Variants in TBC1D5 observed in about 807,000 individuals in gnomAD.
The protein encoded by TBC1D5 is TBC1 domain family, member 5.
TBC1D5 carries 75 observed loss-of-function variants against 100.3 expected under a neutral mutation model. The observed-to-expected ratio is 0.75, with a 90% CI of 0.62 to 0.91. The LOEUF is 0.91. TBC1D5 is among the 40% of genes least tolerant of loss of function. The pLI, the probability that TBC1D5 is intolerant of heterozygous loss-of-function variation, is 0.00. For synonymous variants in TBC1D5, 323 were observed against 325.6 expected, an observed-to-expected ratio of 0.99 and a Z score of 0.09; for missense variants, 910 against 942.4, an observed-to-expected ratio of 0.97 and a Z score of 0.45.
chr3:17,740,951 T>TC, upstream of TBC1D5: 1 of 152,252 alleles, frequency 6.6e-6, no homozygotes, highest in Non-Finnish European at 1.5e-5. Flanking sequence ...TCCTATCCCC[T>TC]CCCCTGGAAT....
chr3:17,177,761 G>T (rs1336065383), intron 19 of TBC1D5, among the ~76,000 whole-genome samples: 1 of 151,504 alleles, frequency 6.6e-6, no homozygotes, highest in African/African-American at 2.4e-5. Context: ...TTAAATTTTT[G>T]CAAGTACTTA....
At chr3:17,352,209 T>C (rs143616570) in intron 13 of TBC1D5, among the ~76,000 whole-genome samples, 1 of 152,294 alleles carries the variant, frequency 6.6e-6, no homozygotes, top group Admixed American at 6.5e-5. Context: ...CGTAGGTCTA[T>C]GTATTACAAT....
At chr3:17,285,783 T>C (rs1187357636) in intron 15 of TBC1D5, among the ~76,000 whole-genome samples, 2 of 152,214 alleles carry the variant, frequency 1.3e-5, no homozygotes, top group African/African-American at 2.4e-5. Flanking sequence ...AAAGTACCTA[T>C]ATACAATTTG....
intron 3 of TBC1D5, among the ~76,000 whole-genome samples, chr3:17,501,752 CTTT>C (rs941418199): frequency 6.7e-6 from 1 of 149,542 alleles, no homozygotes; most frequent in Non-Finnish European, 1.5e-5. Flanking sequence ...GGCTGTTCTT[CTTT>C]GTGGCTCAAT....
intron 3 of TBC1D5, among the ~76,000 whole-genome samples, chr3:17,477,793 T>C (rs1440767921): frequency 6.6e-6 from 1 of 152,092 alleles, no homozygotes; most frequent in Non-Finnish European, 1.5e-5. Flanking sequence ...TTTAGAAGTA[T>C]GTATACACAT....
intron 12 of TBC1D5, among the ~76,000 whole-genome samples, chr3:17,372,833 T>C (rs1423197118): frequency 3.3e-5 from 5 of 152,220 alleles, no homozygotes; most frequent in African/African-American, 9.6e-5. Context: ...CAGTAGCTTT[T>C]ACCTTCTACA....
chr3:17,512,758 G>A (rs199799775), intron 2 of TBC1D5, among the ~76,000 whole-genome samples: 2 of 152,026 alleles, frequency 1.3e-5, no homozygotes, highest in African/African-American at 2.4e-5. Context: ...CCAAAAAGTC[G>A]TAACTAATTT....
chr3:17,372,896 T>G (rs1289169607), intron 12 of TBC1D5, among the ~76,000 whole-genome samples: 2 of 152,190 alleles, frequency 1.3e-5, no homozygotes, highest in Non-Finnish European at 2.9e-5. Context: ...TATCACCTAG[T>G]GTAGGGGTCA....
chr3:17,600,757 T>C (rs1015228767), intron 2 of TBC1D5, among the ~76,000 whole-genome samples: 1 of 152,170 alleles, frequency 6.6e-6, no homozygotes, highest in African/African-American at 2.4e-5. Context: ...TCTAAGTCAG[T>C]TGGTTATTAC....
chr3:17,404,773 T>C lies in TBC1D5; in HGVS notation c.367-5A>G. ...CTTCCTCGGGTTGGTAATATGCTAG[T>C]AAAGAAAGAGAAAACACACACACAA... On this transcript the variant is annotated splice_region_variant and splice_polypyrimidine_tract_variant and intron_variant, in intron 6 of 21. Coordinates refer to ENST00000253692, the Ensembl canonical transcript of TBC1D5. 2 of 1,601,438 alleles carry C rather than the reference T, an allele frequency of 1.2e-6. No homozygotes were observed. Among genetic ancestry groups the C allele is most frequent in the South Asian group, 1.1e-5 (1 of 89,370 alleles).
chr3:17,444,954 T>C (rs2094750308), intron 3 of TBC1D5, among the ~76,000 whole-genome samples: 1 of 152,180 alleles, frequency 6.6e-6, no homozygotes, highest in Non-Finnish European at 1.5e-5. Flanking sequence ...TACAGCATAC[T>C]ATACAGAACT....
intron 1 of TBC1D5, among the ~76,000 whole-genome samples, chr3:17,629,740 G>A (rs1290965796): frequency 6.6e-6 from 1 of 152,152 alleles, no homozygotes; most frequent in Non-Finnish European, 1.5e-5. Context: ...GCCTTGAGTT[G>A]ACAGGCAACA....
At chr3:17,714,641 A>G (rs2075064156) in intron 1 of TBC1D5, among the ~76,000 whole-genome samples, 1 of 152,200 alleles carries the variant, frequency 6.6e-6, no homozygotes, top group Non-Finnish European at 1.5e-5. Flanking sequence ...CACACATAAC[A>G]AGGAATAAAG....
chr3:17,497,113 C>T (rs2095718737), intron 3 of TBC1D5, among the ~76,000 whole-genome samples: 1 of 151,446 alleles, frequency 6.6e-6, no homozygotes, highest in Admixed American at 6.6e-5. Context: ...CACACACACA[C>T]ACACACACAC....
Position 17,731,537 on chromosome 3 carries a change from A to T in TBC1D5, c.-101+7806T>A, listed in dbSNP as rs191654754. On this transcript the variant is annotated intron_variant, in intron 1 of 21. Coordinates refer to ENST00000253692, the Ensembl canonical transcript of TBC1D5. ...AAAAAAAAAAAAAGAGGGTGTCATG[A>T]GACTGGAAATAGGCAATGGAGAATA... Among the ~76,000 whole-genome samples the T allele has an allele frequency of 3.0e-3, 447 of 150,490 alleles. 5 individuals are homozygous for T. Among genetic ancestry groups the T allele is most frequent in the African/African-American group, 0.01 (423 of 41,124 alleles).
chr3:17,707,470 C>T, intron 1 of TBC1D5, among the ~76,000 whole-genome samples: 1 of 152,236 alleles, frequency 6.6e-6, no homozygotes, highest in South Asian at 2.1e-4. Context: ...TAGTTAGTTA[C>T]TGAAAGGATT....
Position 17,249,473 on chromosome 3 carries a change from T to C in TBC1D5, c.1331+9033A>G, listed in dbSNP as rs553705627. Among the ~76,000 whole-genome samples, 45 of 152,342 alleles carry C rather than the reference T, an allele frequency of 3.0e-4. 1 individual carries two copies. The South Asian group carries it at 7.0e-3, about 24-fold the overall frequency. Reference sequence around the variant, plus strand: ...GTTGAAATGTGGTCTCCAGTGTTGATGGTGGGGCCTAGTGAGAGGTGTCTG... The same window carrying C: ...GTTGAAATGTGGTCTCCAGTGTTGACGGTGGGGCCTAGTGAGAGGTGTCTG... On this transcript the variant is annotated intron_variant, in intron 16 of 21. Coordinates refer to ENST00000253692, the Ensembl canonical transcript of TBC1D5.
chr3:17,289,680 T>C (rs971446037), intron 15 of TBC1D5, among the ~76,000 whole-genome samples: 1 of 151,496 alleles, frequency 6.6e-6, no homozygotes, highest in Non-Finnish European at 1.5e-5. Flanking sequence ...ATGTTCTGCT[T>C]ACACAGGTCA....
At chr3:17,551,833 A>G (rs998691991) in intron 2 of TBC1D5, among the ~76,000 whole-genome samples, 1 of 152,186 alleles carries the variant, frequency 6.6e-6, no homozygotes, top group African/African-American at 2.4e-5. Context: ...TGATCAAAAC[A>G]TAAAACATAT....
Sources: allele counts gnomAD v4.1 joint callset (sites outside exome capture counted in the v4.1 genomes callset), GRCh38; gene constraint gnomAD v4.1.1; transcripts MANE v1.5; gene names NCBI Gene and HGNC (gene_info 2026-07-23, HGNC 2026-07-21).